Variants in SNAP91 observed in about 807,000 individuals in gnomAD.
SNAP91 encodes clathrin coat assembly protein AP180.
Under a neutral mutation model 100.3 loss-of-function variants are expected in SNAP91, and 27 were observed. That is an observed-to-expected ratio of 0.27 (90% CI 0.20 to 0.37). The LOEUF (loss-of-function observed/expected upper bound fraction) is 0.37, where lower values mean the gene tolerates loss of function less well. Ranked by LOEUF, SNAP91 falls within the 10% of genes least tolerant of loss-of-function variation. SNAP91 has a pLI of 1.00. For synonymous variants in SNAP91, 404 were observed against 398.6 expected (o/e 1.01, Z -0.16); for missense variants, 986 against 1,123.7 (o/e 0.88, Z 1.75).
At chr6:83,700,066 A>G (rs1358640588) in intron 2 of SNAP91, among the ~76,000 whole-genome samples, 4 of 152,230 alleles carry the variant, frequency 2.6e-5, no homozygotes, top group African/African-American at 9.6e-5. Flanking sequence ...TTTAGGGGTT[A>G]AAACTACAGT....
intron 12 of SNAP91, among the ~76,000 whole-genome samples, chr6:83,609,567 A>G (rs2095857874): frequency 6.6e-6 from 1 of 152,148 alleles, no homozygotes; most frequent in African/African-American, 2.4e-5. Flanking sequence ...GCAATTATAT[A>G]ATGGAAATTT....
chr6:83,571,236 C>T (rs1807043937), intron 26 of SNAP91, among the ~76,000 whole-genome samples: 1 of 152,140 alleles, frequency 6.6e-6, no homozygotes, highest in African/African-American at 2.4e-5. Flanking sequence ...TCCCAAGAAG[C>T]TGGGACTACA....
At chr6:83,624,692 A>C (rs1173786766) in intron 8 of SNAP91, among the ~76,000 whole-genome samples, 4 of 151,916 alleles carry the variant, frequency 2.6e-5, no homozygotes, top group Non-Finnish European at 5.9e-5. Context: ...ATGCTAGTAG[A>C]CACCCTCTCC....
At chr6:83,676,222 A>G (rs145775931) in intron 2 of SNAP91, among the ~76,000 whole-genome samples, 2 of 152,224 alleles carry the variant, frequency 1.3e-5, no homozygotes, top group East Asian at 3.9e-4. Flanking sequence ...TATCATCTAG[A>G]TATAATAGCA....
intron 9 of SNAP91, among the ~76,000 whole-genome samples, chr6:83,618,774 G>A (rs1359258417): frequency 4.6e-5 from 7 of 151,512 alleles, no homozygotes; most frequent in Non-Finnish European, 8.9e-5. Flanking sequence ...CATTGGGATC[G>A]CAGTAAGGAA....
chr6:83,643,715 T>C (rs893018633), intron 7 of SNAP91, among the ~76,000 whole-genome samples: 2 of 152,222 alleles, frequency 1.3e-5, no homozygotes, highest in African/African-American at 4.8e-5. Context: ...AAGAACTAAT[T>C]ATCAAGAGCA....
Position 83,556,397 on chromosome 6 carries a change from A to AGAG in SNAP91, c.2632-153_2632-152insCTC, listed in dbSNP as rs1562072085. ...AGAGAGAGAGAGAGAGAGAGAGAGA[A>AGAG]AAGCATTAGGCAGAACACATATCAA... is the stretch of plus-strand genomic sequence containing the variant. On this transcript the variant is annotated intron_variant, in intron 28 of 29. Coordinates refer to ENST00000369694, the MANE Select transcript of SNAP91 (RefSeq NM_001242792.2). Among the ~76,000 whole-genome samples, 340 of 37,780 alleles carry AGAG rather than the reference A, an allele frequency of 9.0e-3. 3 individuals are homozygous for AGAG. Among genetic ancestry groups the AGAG allele is most frequent in the Middle Eastern group, 0.02 (2 of 98 alleles). 24.8% of individuals were successfully genotyped at this position (37,780 alleles called of 152,430 possible).
chr6:83,641,921 T>C (rs1202465738), intron 7 of SNAP91, among the ~76,000 whole-genome samples: 2 of 152,206 alleles, frequency 1.3e-5, no homozygotes, highest in Non-Finnish European at 2.9e-5. Flanking sequence ...TACAGCTCCA[T>C]TACCCTTGCA....
At chr6:83,611,203 T>C (rs1284197069) in intron 11 of SNAP91, among the ~76,000 whole-genome samples, 3 of 151,710 alleles carry the variant, frequency 2.0e-5, no homozygotes, top group Non-Finnish European at 2.9e-5. Context: ...GAAGTCTGTT[T>C]TCCCCCCCCA....
intron 2 of SNAP91, among the ~76,000 whole-genome samples, chr6:83,687,988 A>G (rs1314981709): frequency 6.6e-6 from 1 of 152,158 alleles, no homozygotes; most frequent in African/African-American, 2.4e-5. Context: ...ACACGGGTTC[A>G]ATCCTGGATG....
In SNAP91 at chr6:83,554,486, TA is replaced by T. The variant is rs199694439; in HGVS notation, c.*11-202del. Among the ~76,000 whole-genome samples, 5 of 151,582 alleles carry T rather than the reference TA, an allele frequency of 3.3e-5. No individual in the cohort carries two copies. In the East Asian group the frequency reaches 7.7e-4, roughly 23 times the overall value. On this transcript the variant is annotated intron_variant, in intron 29 of 29. Transcript: ENST00000369694. ...AAATTTTTAAAGTTTAGCCAGAAAT[TA>T]AAAAAAAACTTTTGATGTATAGTTT...
In SNAP91 at chr6:83,592,493, G is replaced by A. The variant is rs1257336797; in HGVS notation, c.1892C>T (p.Ala631Val). ...APSPATTASP[A>V]KVDSSGVIDL... ...TATGACACCTGAAGAATCCACCTTT[G>A]CTGGCGAGGCAGTGGTTGCAGGAGA... The change falls in exon 21 of 30, where the codon GCA becomes GTA. Residue 631 changes from alanine to valine, a missense_variant. Transcript: ENST00000369694. The A allele has an allele frequency of 6.2e-7, 1 of 1,611,982 alleles. No individual in the cohort carries two copies. The highest frequency in any genetic ancestry group is 1.3e-5 in the African/African-American group (1 of 75,002).
intron 26 of SNAP91, among the ~76,000 whole-genome samples, chr6:83,570,554 G>GC (rs1471852941): frequency 1.6e-5 from 2 of 125,210 alleles, no homozygotes; most frequent in Admixed American, 1.0e-4. Flanking sequence ...TTTACGGGGT[G>GC]GCGGGGGGGG....
intron 2 of SNAP91, among the ~76,000 whole-genome samples, chr6:83,678,332 C>T (rs2128890985): frequency 6.6e-6 from 1 of 152,164 alleles, no homozygotes; most frequent in Non-Finnish European, 1.5e-5. Flanking sequence ...ATGCTCTAAC[C>T]ACAACCCATC....
At chr6:83,700,172 G>A (rs1289510560) in intron 2 of SNAP91, among the ~76,000 whole-genome samples, 1 of 152,126 alleles carries the variant, frequency 6.6e-6, no homozygotes, top group Non-Finnish European at 1.5e-5. Context: ...AGAAAAAAGA[G>A]ATATTGATCA....
chr6:83,611,034 T>G (rs974854408), intron 11 of SNAP91, among the ~76,000 whole-genome samples: 18 of 151,958 alleles, frequency 1.2e-4, no homozygotes, highest in Non-Finnish European at 1.5e-5. Flanking sequence ...TAAATGGGAA[T>G]TTAAAACCAT....
rs933993769 is a variant in SNAP91, at chr6:83,565,077, T to G, written c.2443-4130A>C. 2.0e-5 allele frequency among the ~76,000 whole-genome samples: 3 copies of G among 150,564 alleles called. No homozygotes were observed. In the Admixed American group the frequency reaches 2.0e-4, roughly 10 times the overall value. On this transcript the variant is annotated intron_variant, in intron 26 of 29. Coordinates refer to ENST00000369694, the MANE Select transcript of SNAP91 (RefSeq NM_001242792.2). ...ACTCCATAATAAAAAGACAACCCAA[T>G]TATAAAATGGGCTAAGGATGTTATA...
At chr6:83,707,479 A>C (rs1438309788) in intron 2 of SNAP91, among the ~76,000 whole-genome samples, 2 of 152,026 alleles carry the variant, frequency 1.3e-5, no homozygotes, top group African/African-American at 2.4e-5. Context: ...AAAAAAGGTG[A>C]AAAACATCTA....
chr6:83,559,937 C>T (rs1037123652), intron 28 of SNAP91, among the ~76,000 whole-genome samples, 167 bp downstream of exon 28: 3 of 152,074 alleles, frequency 2.0e-5, no homozygotes, highest in South Asian at 2.1e-4. Flanking sequence ...TCACTTTTTC[C>T]CCCCCAAATC....
Sources: allele counts gnomAD v4.1 joint callset (sites outside exome capture counted in the v4.1 genomes callset), GRCh38; gene constraint gnomAD v4.1.1; transcripts MANE v1.5; gene names NCBI Gene and HGNC (gene_info 2026-07-23, HGNC 2026-07-21).